ADGRL2: variants seen among roughly 807,000 people sequenced by gnomAD.
ADGRL2 encodes the protein calcium-independent alpha-latrotoxin receptor 2.
ADGRL2 carries 44 observed loss-of-function variants against 157.4 expected under a neutral mutation model. The ratio of observed to expected loss-of-function variants is 0.28; its 90% CI spans 0.22 to 0.36. The LOEUF is 0.36. Among genes scored for constraint, ADGRL2 ranks in the 10% least tolerant of loss-of-function variants. ADGRL2 has a pLI of 1.00. For synonymous variants in ADGRL2, 585 were observed against 624.7 expected, an observed-to-expected ratio of 0.94 and a Z score of 0.95; for missense variants, 1,510 against 1,768.9, an observed-to-expected ratio of 0.85 and a Z score of 2.63.
chr1:81,870,404 A>G (rs2093661725), intron 2 of ADGRL2, among the ~76,000 whole-genome samples: 1 of 152,060 alleles, frequency 6.6e-6, no homozygotes, highest in African/African-American at 2.4e-5. Context: ...GATACATGGG[A>G]AAAAAATATG....
intron 3 of ADGRL2, among the ~76,000 whole-genome samples, chr1:81,934,511 C>T (rs1289326362): frequency 2.6e-4 from 40 of 151,718 alleles, no homozygotes; most frequent in Non-Finnish European, 1.2e-4. Context: ...ATGGCCAAAT[C>T]CTTTGAGTTA....
At chr1:81,381,810 A>G (rs182900258) in intron 1 of ADGRL2, among the ~76,000 whole-genome samples, 2 of 152,286 alleles carry the variant, frequency 1.3e-5, no homozygotes, top group Admixed American at 1.3e-4. Context: ...GACTCTGAGG[A>G]TGGACTTATA....
At chr1:81,670,977 T>A (rs1417751597) in intron 3 of ADGRL2, among the ~76,000 whole-genome samples, 1 of 152,208 alleles carries the variant, frequency 6.6e-6, no homozygotes, top group Admixed American at 6.5e-5. Context: ...TCCAAAGTGC[T>A]GGGACTACAG....
upstream of ADGRL2, among the ~76,000 whole-genome samples, chr1:81,696,313 G>A (rs12022517): frequency 5.9e-5 from 9 of 151,796 alleles, no homozygotes; most frequent in East Asian, 1.9e-4. Flanking sequence ...AACTCCCATC[G>A]CAAGAAGTGA....
chr1:81,483,932 A>T (rs1037718213), intron 2 of ADGRL2, among the ~76,000 whole-genome samples: 2 of 152,208 alleles, frequency 1.3e-5, no homozygotes, highest in African/African-American at 4.8e-5. Context: ...AATGAAAACA[A>T]TTGTGATGCA....
At chr1:81,984,002 A>C (rs1419826126) in intron 19 of ADGRL2, among the ~76,000 whole-genome samples, 2 of 152,012 alleles carry the variant, frequency 1.3e-5, no homozygotes, top group Admixed American at 1.3e-4. Context: ...AAATGAAGAA[A>C]ACATTCCTTC....
At chr1:81,948,425 A>T (rs892964219) in intron 6 of ADGRL2, among the ~76,000 whole-genome samples, 8 of 152,156 alleles carry the variant, frequency 5.3e-5, no homozygotes, top group Non-Finnish European at 4.4e-5. Context: ...TATTTCAGTG[A>T]TTAAATATGT....
intron 2 of ADGRL2, chr1:81,502,564 C>T: frequency 6.2e-7 from 1 of 1,613,958 alleles, no homozygotes; most frequent in African/African-American, 1.3e-5. Flanking sequence ...AGAAGGGGGG[C>T]CTGGTGGAGA....
At chr1:81,907,938 C>T (rs1048318167) in intron 3 of ADGRL2, among the ~76,000 whole-genome samples, 5 of 152,160 alleles carry the variant, frequency 3.3e-5, no homozygotes, top group African/African-American at 9.7e-5. Context: ...TGATGAACTG[C>T]GTGTACCATG....
intron 1 of ADGRL2, among the ~76,000 whole-genome samples, chr1:81,423,622 G>A (rs987332971): frequency 2.0e-5 from 3 of 152,074 alleles, no homozygotes; most frequent in East Asian, 3.8e-4. Context: ...TTTCGACATC[G>A]TTGTCAATCT....
chr1:81,333,251 G>A (rs1002060927), intron 1 of ADGRL2, among the ~76,000 whole-genome samples: 9 of 152,146 alleles, frequency 5.9e-5, no homozygotes, highest in African/African-American at 2.2e-4. Flanking sequence ...TCCTAAATCT[G>A]CTCTCCTACT....
At chr1:81,329,082 C>T (rs1243581662) in intron 1 of ADGRL2, among the ~76,000 whole-genome samples, 1 of 151,846 alleles carries the variant, frequency 6.6e-6, no homozygotes, top group Non-Finnish European at 1.5e-5. Flanking sequence ...CAGAAGAAGT[C>T]GAGTTTTCAC....
intron 1 of ADGRL2, among the ~76,000 whole-genome samples, chr1:81,387,804 A>T (rs891156757): frequency 6.6e-6 from 1 of 151,942 alleles, no homozygotes; most frequent in African/African-American, 2.4e-5. Flanking sequence ...ACTGAAAAAA[A>T]TTCTCAGTCC....
intron 1 of ADGRL2, among the ~76,000 whole-genome samples, chr1:81,421,873 T>C (rs1214076643): frequency 6.6e-6 from 1 of 152,208 alleles, no homozygotes; most frequent in Non-Finnish European, 1.5e-5. Flanking sequence ...TACCAATCAT[T>C]TTTATGGCAT....
chr1:81,684,738 T>A (rs181487403), intron 3 of ADGRL2, among the ~76,000 whole-genome samples: 1 of 152,370 alleles, frequency 6.6e-6, no homozygotes, highest in Admixed American at 6.5e-5. Flanking sequence ...TTCCCAATGT[T>A]ACCTTCTAGA....
intron 1 of ADGRL2, among the ~76,000 whole-genome samples, chr1:81,430,450 G>A (rs554363490): frequency 2.0e-5 from 3 of 152,258 alleles, no homozygotes; most frequent in African/African-American, 7.2e-5. Flanking sequence ...GTTAGAGGAT[G>A]GGATTGACCT....
At chr1:81,651,162 A>G (rs1434837462) in intron 3 of ADGRL2, among the ~76,000 whole-genome samples, 1 of 152,158 alleles carries the variant, frequency 6.6e-6, no homozygotes, top group Non-Finnish European at 1.5e-5. Flanking sequence ...GCTGTCCTAT[A>G]TTTGCAAAAT....
At chr1:81,906,111 C>T (rs1257599541) in intron 2 of ADGRL2, among the ~76,000 whole-genome samples, 2 of 152,078 alleles carry the variant, frequency 1.3e-5, no homozygotes, top group Non-Finnish European at 2.9e-5. Context: ...TAGTGCACCT[C>T]TCCACATGCT....
chr1:81,530,668 G>A (rs17454592), intron 2 of ADGRL2, among the ~76,000 whole-genome samples: 15,674 of 151,990 alleles, frequency 0.1, 930 homozygotes, highest in South Asian at 0.14. Flanking sequence ...ATCATACTCA[G>A]CTTCATCATG....
Sources: gnomAD v4.1 joint callset for allele counts (sites outside exome capture counted in the v4.1 genomes callset) on GRCh38, gnomAD v4.1.1 for gene constraint, MANE v1.5 for transcripts, NCBI Gene and HGNC (gene_info 2026-07-23, HGNC 2026-07-21) for gene names.